Variants in TMEM170A observed in about 807,000 individuals in gnomAD.
TMEM170A encodes the protein transmembrane protein 170.
TMEM170A carries 18 observed loss-of-function variants against 12.8 expected under a neutral mutation model. The ratio of observed to expected loss-of-function variants is 1.41; its 90% CI spans 0.97 to 2.09. The LOEUF is 2.09. Ranked by LOEUF, TMEM170A falls within the 30% of genes most tolerant of loss-of-function variation. TMEM170A has a pLI of 0.00. For missense variants in TMEM170A, 220 were observed against 179.9 expected, an observed-to-expected ratio of 1.22 and a Z score of -1.28; for synonymous variants, 107 against 76.2, an observed-to-expected ratio of 1.40 and a Z score of -2.11.
Position 75,444,848 on chromosome 16 carries a change from A to C in TMEM170A, c.*2710T>G, listed in dbSNP as rs1278251147. On this transcript the variant is annotated 3_prime_UTR_variant, in exon 3 of 3. Coordinates refer to ENST00000561878, the MANE Select transcript of TMEM170A (RefSeq NM_145254.3). ...CCAAAATATATCAAACAAGAAACAG[A>C]AACAAATACACCTTTCAAAATGCCC... 6.6e-6 allele frequency: 1 copy of C among 152,202 alleles called. No homozygotes were observed. Among genetic ancestry groups the C allele is most frequent in the East Asian group, 1.9e-4 (1 of 5,202 alleles). 9.4% of individuals were successfully genotyped at this position (152,202 alleles called of 1,614,324 possible).
rs1438978251 is a variant in TMEM170A, at chr16:75,444,882, A to C, written c.*2676T>G. ...CACCTTTCAAAATGCCCTAATTTTA[A>C]GTCTTAGCTCCAGTGAAAAATATCT... On this transcript the variant is annotated 3_prime_UTR_variant, in exon 3 of 3. Coordinates refer to ENST00000561878, the MANE Select transcript of TMEM170A (RefSeq NM_145254.3). 6.6e-6 allele frequency: 1 copy of C among 152,228 alleles called. No homozygotes were observed. The highest frequency in any genetic ancestry group is 1.5e-5 in the Non-Finnish European group (1 of 68,050). The allele number at this position is 152,228 out of a possible 1,614,324, so 9.4% of individuals were successfully genotyped here.
rs1377285155 is a variant in TMEM170A at position 75,446,204 on chromosome 16, G to T, written c.*1354C>A. The stretch of plus-strand genomic sequence containing the variant: ...AAAAGAAAAAAAAAAAAAAAAGTCA[G>T]ATTTAATCACCAGAAACTATTTTGC... On this transcript the variant is annotated 3_prime_UTR_variant, in exon 3 of 3. Coordinates refer to ENST00000561878, the MANE Select transcript of TMEM170A (RefSeq NM_145254.3). 6.7e-6 allele frequency: 1 copy of T among 148,442 alleles called. No homozygotes were observed. Among genetic ancestry groups the T allele is most frequent in the African/African-American group, 2.5e-5 (1 of 40,344 alleles). The allele number at this position is 148,442 out of a possible 1,614,324, so 9.2% of individuals were successfully genotyped here.
chr16:75,454,706 C>T (rs2079754675), intron 1 of TMEM170A, among the ~76,000 whole-genome samples: 1 of 152,112 alleles, frequency 6.6e-6, no homozygotes, highest in African/African-American at 2.4e-5. Flanking sequence ...GAATTTGACA[C>T]CAGACTAAGG....
chr16:75,461,612 T>C (rs1458089989), intron 1 of TMEM170A, among the ~76,000 whole-genome samples: 1 of 152,194 alleles, frequency 6.6e-6, no homozygotes, highest in Non-Finnish European at 1.5e-5. Context: ...AAATAGGATA[T>C]AACTTCATGT....
At position 75,444,270 on chromosome 16, in the gene TMEM170A, C is replaced by CA. The variant is rs2079547242; in HGVS notation, c.*3287dup. The CA allele has an allele frequency of 6.6e-6, 1 of 151,968 alleles. No individual in the cohort carries two copies. Among genetic ancestry groups the CA allele is most frequent in the Admixed American group, 6.6e-5 (1 of 15,212 alleles). 9.4% of individuals were successfully genotyped at this position (151,968 alleles called of 1,614,324 possible). A position where few individuals can be genotyped will look rare whatever the true frequency, so the allele number is the denominator to read the frequency against. On this transcript the variant is annotated 3_prime_UTR_variant, in exon 3 of 3. Transcript: ENST00000561878. Reference sequence around the variant, plus strand: ...AGGAGATTGAGACCATCCTGGCTAACACGGTGAAACCCCGTCTCTACTAAA... The same window carrying CA: ...AGGAGATTGAGACCATCCTGGCTAACAACGGTGAAACCCCGTCTCTACTAAA...
At chr16:75,460,747 C>T (rs952666440) in intron 1 of TMEM170A, among the ~76,000 whole-genome samples, 14 of 152,152 alleles carry the variant, frequency 9.2e-5, no homozygotes, top group Non-Finnish European at 4.4e-5. Context: ...GGCATCTTGA[C>T]TTGGTGCCTA....
At chr16:75,457,601 T>C (rs569088882) in intron 1 of TMEM170A, among the ~76,000 whole-genome samples, 10 of 152,336 alleles carry the variant, frequency 6.6e-5, no homozygotes, top group African/African-American at 2.4e-4. Flanking sequence ...TAGTCTGTGG[T>C]ATTTTGTTAT....
At chr16:75,460,283 T>A (rs1386084592) in intron 1 of TMEM170A, among the ~76,000 whole-genome samples, 3 of 152,206 alleles carry the variant, frequency 2.0e-5, no homozygotes, top group Admixed American at 2.0e-4. Flanking sequence ...GATAGTTGTA[T>A]AACTCTGTAA....
chr16:75,451,519 C>T (rs1164928941), intron 2 of TMEM170A, 150 bp downstream of exon 2: 14 of 768,396 alleles, frequency 1.8e-5, no homozygotes, highest in South Asian at 3.4e-5. Context: ...CACTGCACTC[C>T]GGCCTTGGTG....
chr16:75,463,053 G>T (rs58581549), intron 1 of TMEM170A, among the ~76,000 whole-genome samples: 5,150 of 152,136 alleles, frequency 0.034, 145 homozygotes, highest in South Asian at 0.085. Flanking sequence ...TATATATAGA[G>T]AGAGAGAAAG....
chr16:75,451,595 G>A (rs1255252874), intron 2 of TMEM170A, 74 bp downstream of exon 2: 9 of 1,505,122 alleles, frequency 6.0e-6, no homozygotes, highest in African/African-American at 1.4e-5. Flanking sequence ...ACTCAGATAT[G>A]TTTTCTAGAA....
rs1540 is a variant in TMEM170A, at chr16:75,447,287, G to T, written c.*271C>A. ...CCAGAGACACTGTTGACTTGGCTTGGGTAAAGGTACACATGAAAACTGCTT... is the reference window on the plus strand; with the variant it reads ...CCAGAGACACTGTTGACTTGGCTTGTGTAAAGGTACACATGAAAACTGCTT... On this transcript the variant is annotated 3_prime_UTR_variant, in exon 3 of 3. Transcript: ENST00000561878. The T allele has an allele frequency of 2.5e-5, 6 of 239,844 alleles. No individual in the cohort carries two copies. The highest frequency in any genetic ancestry group is 3.1e-4 in the South Asian group (2 of 6,384). 14.9% of individuals were successfully genotyped at this position (239,844 alleles called of 1,614,324 possible).
At chr16:75,463,840 G>C (rs946586644) in intron 1 of TMEM170A, among the ~76,000 whole-genome samples, 3 of 152,368 alleles carry the variant, frequency 2.0e-5, no homozygotes, top group Admixed American at 1.3e-4. Context: ...CGGGGAGGAA[G>C]AGTTCAAAGG....
intron 1 of TMEM170A, chr16:75,464,262 C>T (rs1234105987): frequency 4.0e-6 from 6 of 1,496,002 alleles, no homozygotes; most frequent in Admixed American, 2.1e-5. Context: ...TCACGCCCAG[C>T]GGGACTCCGG....
chr16:75,450,180 C>G (rs1230755256), intron 2 of TMEM170A, among the ~76,000 whole-genome samples: 3 of 116,266 alleles, frequency 2.6e-5, no homozygotes, highest in African/African-American at 9.1e-5. Flanking sequence ...CACTTTCTCT[C>G]AAAAAAAAAA....
At chr16:75,458,366 G>C (rs1269242434) in intron 1 of TMEM170A, 1 of 152,244 alleles carries the variant, frequency 6.6e-6, no homozygotes, top group African/African-American at 2.4e-5. Flanking sequence ...CATGGGAAAA[G>C]GGACATTGTG....
chr16:75,459,770 T>C (rs2079869521), intron 1 of TMEM170A: 1 of 151,788 alleles, frequency 6.6e-6, no homozygotes, highest in South Asian at 2.1e-4. Flanking sequence ...GGCAGGAGAA[T>C]CACTTGATCC....
intron 2 of TMEM170A, among the ~76,000 whole-genome samples, chr16:75,450,384 T>A (rs2079661403): frequency 6.6e-6 from 1 of 152,108 alleles, no homozygotes; most frequent in Non-Finnish European, 1.5e-5. Flanking sequence ...TATTTAGGGA[T>A]GAGAAAATGG....
chr16:75,456,021 G>C (rs990187902), intron 1 of TMEM170A, among the ~76,000 whole-genome samples: 2 of 152,206 alleles, frequency 1.3e-5, no homozygotes, highest in East Asian at 3.9e-4. Flanking sequence ...TTTTATGAAG[G>C]TATTTTTATT....
Sources: allele counts gnomAD v4.1 joint callset (sites outside exome capture counted in the v4.1 genomes callset), GRCh38; gene constraint gnomAD v4.1.1; transcripts MANE v1.5; gene names NCBI Gene and HGNC (gene_info 2026-07-23, HGNC 2026-07-21).